The following SH3PXD2A variants were observed in gnomAD, a reference collection of about 807,000 sequenced individuals.
SH3PXD2A encodes the protein SH3 and PX domain-containing protein 2A.
SH3PXD2A carries 32 observed loss-of-function variants against 115.2 expected under a neutral mutation model. The observed-to-expected ratio is 0.28, with a 90% CI of 0.21 to 0.37. The LOEUF (loss-of-function observed/expected upper bound fraction) is 0.37, where lower values mean the gene tolerates loss of function less well. Ranked by LOEUF, SH3PXD2A falls within the 10% of genes least tolerant of loss-of-function variation. SH3PXD2A has a pLI of 1.00. For synonymous variants in SH3PXD2A, 610 were observed against 629.1 expected, an observed-to-expected ratio of 0.97 and a Z score of 0.45; for missense variants, 1,328 against 1,498.7, an observed-to-expected ratio of 0.89 and a Z score of 1.88.
At chr10:103,707,453 C>T (rs969475681) in intron 5 of SH3PXD2A, among the ~76,000 whole-genome samples, 1 of 152,128 alleles carries the variant, frequency 6.6e-6, no homozygotes, top group Non-Finnish European at 1.5e-5. Context: ...CCTCAGCCTC[C>T]CAAGGTGCTG....
intron 5 of SH3PXD2A, among the ~76,000 whole-genome samples, chr10:103,702,585 C>CTGTGTATGTGCGTGTGTGTGTGTG (rs2037928233): frequency 3.0e-5 from 1 of 32,984 alleles, no homozygotes; most frequent in Non-Finnish European, 6.2e-5. Context: ...AGATGTAAGC[C>CTGTGTATGTGCGTGTGTGTGTGTG]TGTGTGTGTG....
intron 3 of SH3PXD2A, among the ~76,000 whole-genome samples, chr10:103,739,382 CT>C (rs1270907448): frequency 3.9e-5 from 6 of 152,352 alleles, no homozygotes; most frequent in South Asian, 4.1e-4. Context: ...GGGCTTCCCC[CT>C]TTCCCGCTGA....
intron 2 of SH3PXD2A, among the ~76,000 whole-genome samples, chr10:103,771,730 G>C (rs7917569): frequency 0.22 from 31,343 of 142,648 alleles, 3,668 homozygotes; most frequent in African/African-American, 0.32. Context: ...GCGAGACTCC[G>C]TCAAAACAAC....
At chr10:103,766,716 C>T (rs1040727169) in intron 3 of SH3PXD2A, among the ~76,000 whole-genome samples, 4 of 152,110 alleles carry the variant, frequency 2.6e-5, no homozygotes, top group African/African-American at 2.4e-5. Context: ...TCAGGGAGTG[C>T]GCTCAATTTA....
chr10:103,813,434 A>C (rs542737126), intron 1 of SH3PXD2A, among the ~76,000 whole-genome samples: 27 of 152,264 alleles, frequency 1.8e-4, no homozygotes, highest in African/African-American at 4.8e-4. Context: ...CTCCCCGCTC[A>C]GCCTCCCCAG....
chr10:103,717,045 C>T (rs1425522860), intron 5 of SH3PXD2A, among the ~76,000 whole-genome samples: 1 of 152,206 alleles, frequency 6.6e-6, no homozygotes, highest in African/African-American at 2.4e-5. Context: ...AAGCATCATC[C>T]TCGCAACTGC....
At chr10:103,803,785 G>A (rs1325809426) in intron 1 of SH3PXD2A, among the ~76,000 whole-genome samples, 2 of 152,168 alleles carry the variant, frequency 1.3e-5, no homozygotes, top group Non-Finnish European at 2.9e-5. Flanking sequence ...CAAGGTGAAG[G>A]ACACACCTGC....
chr10:103,623,625 A>G (rs2036644654), intron 9 of SH3PXD2A, among the ~76,000 whole-genome samples: 1 of 152,066 alleles, frequency 6.6e-6, no homozygotes, highest in Non-Finnish European at 1.5e-5. Flanking sequence ...CCTGCTTCTT[A>G]TAAGGACAAA....
intron 2 of SH3PXD2A, among the ~76,000 whole-genome samples, chr10:103,782,884 A>G (rs1358000023): frequency 6.7e-6 from 1 of 150,346 alleles, no homozygotes; most frequent in Non-Finnish European, 1.5e-5. Flanking sequence ...TTTTGAAGAC[A>G]GTAGAATGTG....
intron 2 of SH3PXD2A, among the ~76,000 whole-genome samples, chr10:103,772,840 T>A (rs1481251921): frequency 6.6e-6 from 1 of 152,178 alleles, no homozygotes; most frequent in Non-Finnish European, 1.5e-5. Flanking sequence ...CAAACCTTCA[T>A]CCTTGTGCCC....
chr10:103,789,779 G>A (rs1015644158), intron 2 of SH3PXD2A, among the ~76,000 whole-genome samples: 1 of 151,158 alleles, frequency 6.6e-6, no homozygotes, highest in African/African-American at 2.4e-5. Flanking sequence ...GCATTCCAAC[G>A]CCTCCCTGAC....
At chr10:103,703,235 G>C (rs1029722149) in intron 5 of SH3PXD2A, among the ~76,000 whole-genome samples, 1 of 152,188 alleles carries the variant, frequency 6.6e-6, no homozygotes, top group East Asian at 1.9e-4. Context: ...CCGGGTGATC[G>C]CCTCTTACAG....
At chr10:103,729,750 C>G (rs1045644781) in intron 4 of SH3PXD2A, among the ~76,000 whole-genome samples, 1 of 152,154 alleles carries the variant, frequency 6.6e-6, no homozygotes, top group Non-Finnish European at 1.5e-5. Flanking sequence ...GTAACTGGGT[C>G]GCGGGGACTG....
At chr10:103,752,269 G>A (rs903275982) in intron 3 of SH3PXD2A, among the ~76,000 whole-genome samples, 1 of 152,208 alleles carries the variant, frequency 6.6e-6, no homozygotes, top group African/African-American at 2.4e-5. Context: ...ATTTGAGGCA[G>A]GCCTAGAGGA....
chr10:103,734,152 G>A (rs558016011), intron 4 of SH3PXD2A, among the ~76,000 whole-genome samples: 1 of 152,244 alleles, frequency 6.6e-6, no homozygotes, highest in Non-Finnish European at 1.5e-5. Context: ...CTAGTAAGTG[G>A]GCACCGGGAT....
At position 103,627,322 on chromosome 10, in the gene SH3PXD2A, C is replaced by G. The variant is rs2036713196; in HGVS notation, c.605-120G>C. 3.1e-6 allele frequency: 2 copies of G among 645,200 alleles called. No homozygotes were observed. Among genetic ancestry groups the G allele is most frequent in the East Asian group, 5.4e-5 (2 of 37,178 alleles). 40.0% of individuals were successfully genotyped at this position (645,200 alleles called of 1,614,324 possible). On this transcript the variant is annotated intron_variant, in intron 8 of 14. Coordinates refer to ENST00000369774, the MANE Select transcript of SH3PXD2A (RefSeq NM_001394015.1). The surrounding 1 kb of genome is among the most constrained non-coding windows in gnomAD (Gnocchi z 4.4). Reference sequence around the variant, plus strand: ...GAAGCGGAGCATGGAGCCAGATGGCCTGGGGACCCAGCAAATGCCTGGCCC... The same window carrying G: ...GAAGCGGAGCATGGAGCCAGATGGCGTGGGGACCCAGCAAATGCCTGGCCC...
chr10:103,837,814 A>G (rs939277753), intron 1 of SH3PXD2A, among the ~76,000 whole-genome samples: 2 of 152,182 alleles, frequency 1.3e-5, no homozygotes, highest in Admixed American at 6.5e-5. Flanking sequence ...CAGTACCTGC[A>G]GAAGACACCG....
intron 1 of SH3PXD2A, among the ~76,000 whole-genome samples, chr10:103,854,653 A>T (rs1180705911): frequency 6.6e-6 from 1 of 152,206 alleles, no homozygotes. Flanking sequence ...TGGCTTTATG[A>T]GGGAAATCAA....
At chr10:103,643,116 T>C (rs1381807088) in intron 8 of SH3PXD2A, among the ~76,000 whole-genome samples, 2 of 152,226 alleles carry the variant, frequency 1.3e-5, no homozygotes, top group Non-Finnish European at 2.9e-5. Flanking sequence ...CAGTACCGCC[T>C]GACGTTAGCA....
Sources: gnomAD v4.1 joint callset for allele counts (sites outside exome capture counted in the v4.1 genomes callset) on GRCh38, gnomAD v4.1.1 for gene constraint, Gnocchi (gnomAD v3.1) non-coding constraint, MANE v1.5 for transcripts, NCBI Gene and HGNC (gene_info 2026-07-23, HGNC 2026-07-21) for gene names.